The following PXDNL variants were observed in gnomAD, a reference collection of about 807,000 sequenced individuals.
The protein encoded by PXDNL is peroxidasin like, also known as probable oxidoreductase PXDNL.
PXDNL carries 145 observed loss-of-function variants against 150.8 expected under a neutral mutation model. The observed-to-expected ratio is 0.96, with a 90% CI of 0.84 to 1.10. The LOEUF (loss-of-function observed/expected upper bound fraction) is 1.10, where lower values mean the gene tolerates loss of function less well. Ranked by LOEUF, PXDNL falls within the 50% of genes least tolerant of loss-of-function variation. The pLI is 0.00. For synonymous variants in PXDNL, 757 were observed against 725.7 expected (o/e 1.04, Z -0.69); for missense variants, 2,087 against 1,873.9 (o/e 1.11, Z -2.10).
chr8:51,495,106 A>G (rs1181794640), intron 5 of PXDNL, among the ~76,000 whole-genome samples: 1 of 152,098 alleles, frequency 6.6e-6, no homozygotes, highest in Non-Finnish European at 1.5e-5. Flanking sequence ...CAATCAAACT[A>G]GAACCCAGGA....
At chr8:51,343,823 G>T (rs1806064554) in intron 20 of PXDNL, among the ~76,000 whole-genome samples, 2 of 152,128 alleles carry the variant, frequency 1.3e-5, no homozygotes, top group African/African-American at 4.8e-5. Context: ...TGAATCAATG[G>T]AAAAACAGAT....
At chr8:51,482,668 A>G (rs1480051651) in intron 6 of PXDNL, among the ~76,000 whole-genome samples, 1 of 152,156 alleles carries the variant, frequency 6.6e-6, no homozygotes, top group Non-Finnish European at 1.5e-5. Flanking sequence ...ATGGTAGTGA[A>G]TAAGTCTCAT....
At chr8:51,771,698 G>C (rs1019440778) in intron 1 of PXDNL, among the ~76,000 whole-genome samples, 1 of 152,132 alleles carries the variant, frequency 6.6e-6, no homozygotes, top group Non-Finnish European at 1.5e-5. Context: ...AGACAAAAGA[G>C]AGAAACAGAG....
At chr8:51,581,424 G>T (rs1178836824) in intron 3 of PXDNL, among the ~76,000 whole-genome samples, 1 of 151,956 alleles carries the variant, frequency 6.6e-6, no homozygotes, top group Non-Finnish European at 1.5e-5. Context: ...GGGAGGCGGA[G>T]GTTGCAGTGC....
intron 1 of PXDNL, among the ~76,000 whole-genome samples, chr8:51,777,326 G>T (rs536252960): frequency 6.8e-4 from 104 of 152,200 alleles, no homozygotes; most frequent in Non-Finnish European, 1.3e-3. Flanking sequence ...ATAATTAAAT[G>T]TGTCAATACA....
chr8:51,678,477 AC>A (rs1366257992), intron 1 of PXDNL, among the ~76,000 whole-genome samples: 1 of 152,026 alleles, frequency 6.6e-6, no homozygotes, highest in Non-Finnish European at 1.5e-5. Flanking sequence ...CAGATGTCCA[AC>A]AATGATAGAC....
intron 1 of PXDNL, among the ~76,000 whole-genome samples, chr8:51,727,212 C>A (rs949841789): frequency 6.6e-6 from 1 of 152,158 alleles, no homozygotes; most frequent in African/African-American, 2.4e-5. Context: ...CAAACACTGA[C>A]CCTAAATGCC....
At chr8:51,362,478 A>G (rs1373329545) in intron 19 of PXDNL, among the ~76,000 whole-genome samples, 2 of 152,270 alleles carry the variant, frequency 1.3e-5, no homozygotes, top group Admixed American at 6.5e-5. Flanking sequence ...GCCTATGTAC[A>G]TTAGAAACTC....
intron 2 of PXDNL, among the ~76,000 whole-genome samples, chr8:51,621,090 T>A (rs909178892): frequency 6.6e-6 from 1 of 152,132 alleles, no homozygotes; most frequent in Non-Finnish European, 1.5e-5. Context: ...TCTTGCTAAT[T>A]CCTCCCTTTA....
chr8:51,690,879 G>A (rs370852404), intron 1 of PXDNL, among the ~76,000 whole-genome samples: 1 of 152,064 alleles, frequency 6.6e-6, no homozygotes, highest in African/African-American at 2.4e-5. Flanking sequence ...CTGTGAGATG[G>A]TATCTCATTG....
chr8:51,774,488 C>G (rs2037330674), intron 1 of PXDNL, among the ~76,000 whole-genome samples: 1 of 152,054 alleles, frequency 6.6e-6, no homozygotes, highest in Admixed American at 6.6e-5. Flanking sequence ...CCATGTAAAC[C>G]TTCTGACTAT....
intron 1 of PXDNL, among the ~76,000 whole-genome samples, chr8:51,723,749 T>C (rs1173340476): frequency 6.6e-6 from 1 of 152,138 alleles, no homozygotes; most frequent in African/African-American, 2.4e-5. Context: ...TGGGGCTGTT[T>C]CCTAAGGGCA....
chr8:51,320,826 C>G lies in PXDNL; in HGVS notation c.4218G>C (p.Glu1406Asp), dbSNP rs1271287098. 6.2e-7 allele frequency: 1 copy of G among 1,613,994 alleles called. No individual in the cohort carries two copies. The highest frequency in any genetic ancestry group is 2.2e-5 in the East Asian group (1 of 44,886). ...TDVRGVPRKA[E>D]ERWMKEDCTH... ...TGCAGTCTTCTTTCATCCAGCGCTC[C>G]TCGGCCTTCCTTGGAACCCCTCTAA... Residue 1406 changes from glutamate to aspartate, a missense_variant, in exon 22 of 23, where the codon GAG (glutamate) becomes GAC (aspartate). Glu to Asp is a conservative substitution (Grantham distance 45). Coordinates refer to ENST00000356297, the MANE Select transcript of PXDNL (RefSeq NM_144651.5).
rs370283474 is a variant in PXDNL, at chr8:51,358,994, A to G, written c.3901+12879T>C. Reference sequence around the variant, plus strand: ...GAGAGCTTCTGCCCTCAGAGTGTGCAGTGTGTCTCCACTTCTCAGAAAGCC... The same window carrying G: ...GAGAGCTTCTGCCCTCAGAGTGTGCGGTGTGTCTCCACTTCTCAGAAAGCC... On this transcript the variant is annotated intron_variant, in intron 19 of 22. Transcript: ENST00000356297. Among the ~76,000 whole-genome samples, 3 of 152,306 alleles carry G rather than the reference A, an allele frequency of 2.0e-5. 1 individual carries two copies. The highest frequency in any genetic ancestry group is 6.5e-5 in the Admixed American group (1 of 15,296).
chr8:51,570,282 GA>G (rs1812906796), intron 3 of PXDNL, among the ~76,000 whole-genome samples: 1 of 151,924 alleles, frequency 6.6e-6, no homozygotes, highest in African/African-American at 2.4e-5. Context: ...AGCTAAGGAT[GA>G]ATTAAAGCTG....
At chr8:51,413,304 AGTTAGGCATGAT>A in intron 14 of PXDNL, 46 bp from the exon 15 acceptor site, 2 of 1,186,826 alleles carry the variant, frequency 1.7e-6, no homozygotes. Context: ...CAGACCTTGA[AGTTAGGCATGAT>A]ATTATATGAA....
intron 1 of PXDNL, among the ~76,000 whole-genome samples, chr8:51,663,438 G>A (rs1815316136): frequency 6.6e-6 from 1 of 152,028 alleles, no homozygotes; most frequent in African/African-American, 2.4e-5. Flanking sequence ...TTCTTTTTCA[G>A]GGATTATGTG....
chr8:51,739,549 A>T (rs1327318907), intron 1 of PXDNL, among the ~76,000 whole-genome samples: 1 of 152,202 alleles, frequency 6.6e-6, no homozygotes, highest in East Asian at 1.9e-4. Context: ...TCCTAGAAAT[A>T]ACAGGTGATT....
chr8:51,631,843 C>G (rs148119642), intron 2 of PXDNL, among the ~76,000 whole-genome samples: 12 of 152,050 alleles, frequency 7.9e-5, no homozygotes, highest in Middle Eastern at 3.4e-3. Context: ...TCAATTACCT[C>G]GTGTCTCATT....
Sources: gnomAD v4.1 joint callset for allele counts (sites outside exome capture counted in the v4.1 genomes callset) on GRCh38, gnomAD v4.1.1 for gene constraint, MANE v1.5 for transcripts, NCBI Gene and HGNC (gene_info 2026-07-23, HGNC 2026-07-21) for gene names.